The following GPA33 variants were observed in gnomAD, a reference collection of about 807,000 sequenced individuals.
GPA33 encodes the protein cell surface A33 antigen.
Under a neutral mutation model 35.6 loss-of-function variants are expected in GPA33, and 27 were observed. That is an observed-to-expected ratio of 0.76 (90% CI 0.56 to 1.04). GPA33 has a LOEUF of 1.04. Among genes scored for constraint, GPA33 ranks in the 50% least tolerant of loss-of-function variants. The pLI is 0.00. For synonymous variants in GPA33, 176 were observed against 164.0 expected (o/e 1.07, Z -0.56); for missense variants, 428 against 411.9 (o/e 1.04, Z -0.34).
At chr1:167,079,789 A>G (rs1245945213) in intron 1 of GPA33, among the ~76,000 whole-genome samples, 3 of 152,224 alleles carry the variant, frequency 2.0e-5, no homozygotes, top group African/African-American at 7.2e-5. Context: ...ATAATTCGCC[A>G]TTGTAGCTTT....
At chr1:167,073,926 C>T (rs1396478542) in intron 1 of GPA33, among the ~76,000 whole-genome samples, 1 of 151,868 alleles carries the variant, frequency 6.6e-6, no homozygotes, top group Non-Finnish European at 1.5e-5. Context: ...TTTATTACTC[C>T]CTGGCGCATA....
chr1:167,081,526 C>T (rs1666947928), intron 1 of GPA33, among the ~76,000 whole-genome samples: 1 of 152,160 alleles, frequency 6.6e-6, no homozygotes, highest in Non-Finnish European at 1.5e-5. Flanking sequence ...AAATGTTGAA[C>T]CGTTCATTCA....
At chr1:167,066,433 C>T (rs1666593501) in intron 3 of GPA33, among the ~76,000 whole-genome samples, 1 of 152,332 alleles carries the variant, frequency 6.6e-6, no homozygotes, top group Non-Finnish European at 1.5e-5. Flanking sequence ...TGACCAGCCA[C>T]TCCCAAAGAG....
chr1:167,060,757 C>T (rs1012538366), intron 4 of GPA33, among the ~76,000 whole-genome samples: 9 of 152,184 alleles, frequency 5.9e-5, no homozygotes, highest in Admixed American at 2.0e-4. Flanking sequence ...GTACCCGTGG[C>T]TTACAGGGCA....
rs1162176079 is a variant in GPA33 at position 167,053,649 on chromosome 1, C to A, written c.*685G>T. The A allele has an allele frequency of 6.6e-6, 1 of 152,450 alleles. No individual in the cohort carries two copies. The highest frequency in any genetic ancestry group is 2.4e-5 in the African/African-American group (1 of 41,450). 9.4% of individuals were successfully genotyped at this position (152,450 alleles called of 1,614,324 possible). On this transcript the variant is annotated 3_prime_UTR_variant, in exon 7 of 7. Transcript: ENST00000367868. The stretch of plus-strand genomic sequence containing the variant: ...CAATTAGGATAGGGTTAGAGAAATC[C>A]TTGTGATTTGAGATGGGCCTGGAGG...
Position 167,054,312 on chromosome 1 carries a change from G to A in GPA33, c.*22C>T, listed in dbSNP as rs773584975. ...AGAATGAACCCCTAACCCTTCCTCC[G>A]CCGCCCTCTGCTGCTGGCCTGTCAC... On this transcript the variant is annotated 3_prime_UTR_variant, in exon 7 of 7. Transcript: ENST00000367868. The A allele has an allele frequency of 1.6e-5, 26 of 1,613,446 alleles. No homozygotes were observed. The highest frequency in any genetic ancestry group is 1.3e-4 in the South Asian group (12 of 91,058).
intron 1 of GPA33, among the ~76,000 whole-genome samples, chr1:167,088,864 G>T (rs1288493748): frequency 6.6e-6 from 1 of 152,162 alleles, no homozygotes; most frequent in African/African-American, 2.4e-5. Context: ...GCCAGGGAAG[G>T]ATGGGTATTT....
chr1:167,074,280 G>A (rs540994403), intron 1 of GPA33, among the ~76,000 whole-genome samples: 1 of 151,836 alleles, frequency 6.6e-6, no homozygotes, highest in South Asian at 2.1e-4. Context: ...TGGCTCTGAG[G>A]CCAACTCATA....
intron 3 of GPA33, 45 bp downstream of exon 3, chr1:167,068,877 G>A (rs781756976): frequency 2.2e-5 from 33 of 1,485,412 alleles, no homozygotes; most frequent in Non-Finnish European, 3.0e-5. Flanking sequence ...GCTGCCACCT[G>A]CCCACCCTCT....
chr1:167,085,743 C>T (rs1041236), intron 1 of GPA33, among the ~76,000 whole-genome samples: 42,531 of 152,108 alleles, frequency 0.28, 6,655 homozygotes, highest in East Asian at 0.72. Flanking sequence ...GGACAGTAAC[C>T]GGAGAAGCAG....
At chr1:167,054,945 C>G in intron 6 of GPA33, 31 bp downstream of exon 6, 2 of 1,613,430 alleles carry the variant, frequency 1.2e-6, no homozygotes, top group South Asian at 2.2e-5. Context: ...TCCCCAGACC[C>G]TTCCAACAGG....
intron 3 of GPA33, among the ~76,000 whole-genome samples, chr1:167,067,275 A>AATTTATTTATTTATTTATTTATTT (rs57948383): frequency 2.0e-5 from 3 of 146,702 alleles, no homozygotes; most frequent in African/African-American, 7.5e-5. Flanking sequence ...CCTCCACCTC[A>AATTTATTTATTTATTTATTTATTT]ATTTATTTAT....
Position 167,055,793 on chromosome 1 carries a change from T to C in GPA33, c.628A>G (p.Ile210Val). Residue 210 changes from isoleucine to valine, a missense_variant, in exon 5 of 7, where the codon ATC (isoleucine) becomes GTC (valine). Transcript: ENST00000367868. Reference protein sequence around the residue: ...NISTDTSGYYICTSSNEEGTQ... With the variant: ...NISTDTSGYYVCTSSNEEGTQ... The stretch of plus-strand genomic sequence containing the variant: ...CCCTCCTCATTGCTGGAGGTACAGA[T>C]GTAGTAACCCGATGTGTCTGTGGAG... 4 of 1,613,692 alleles carry C rather than the reference T, an allele frequency of 2.5e-6. No homozygotes were observed. Among genetic ancestry groups the C allele is most frequent in the Non-Finnish European group, 3.4e-6 (4 of 1,179,794 alleles).
At chr1:167,080,145 T>A (rs750970737) in intron 1 of GPA33, among the ~76,000 whole-genome samples, 3 of 152,198 alleles carry the variant, frequency 2.0e-5, no homozygotes, top group Non-Finnish European at 4.4e-5. Flanking sequence ...CCCTTTGCCC[T>A]GTGCCCGTCA....
chr1:167,073,931 C>T (rs115398677), intron 1 of GPA33, among the ~76,000 whole-genome samples: 5 of 151,842 alleles, frequency 3.3e-5, no homozygotes, highest in Non-Finnish European at 7.4e-5. Flanking sequence ...TACTCCCTGG[C>T]GCATAGAAAA....
intron 2 of GPA33, among the ~76,000 whole-genome samples, chr1:167,069,518 T>C (rs1666673994): frequency 6.6e-6 from 1 of 152,180 alleles, no homozygotes; most frequent in Admixed American, 6.5e-5. Context: ...CTGAGCACCT[T>C]CCATGTACCA....
At chr1:167,056,145 G>C (rs950888937) in intron 4 of GPA33, among the ~76,000 whole-genome samples, 2 of 152,156 alleles carry the variant, frequency 1.3e-5, no homozygotes, top group African/African-American at 4.8e-5. Context: ...TCTAAAATCA[G>C]AAATAATAGT....
chr1:167,088,054 A>T (rs1189810380), intron 1 of GPA33, among the ~76,000 whole-genome samples: 1 of 151,862 alleles, frequency 6.6e-6, no homozygotes, highest in Non-Finnish European at 1.5e-5. Flanking sequence ...CTCCAACACC[A>T]CTTGAGTCTT....
At chr1:167,060,753 G>A (rs1273601653) in intron 4 of GPA33, among the ~76,000 whole-genome samples, 7 of 152,146 alleles carry the variant, frequency 4.6e-5, no homozygotes, top group South Asian at 2.1e-4. Flanking sequence ...GAAGGTACCC[G>A]TGGCTTACAG....
Sources: gnomAD v4.1 joint callset for allele counts (sites outside exome capture counted in the v4.1 genomes callset) on GRCh38, gnomAD v4.1.1 for gene constraint, MANE v1.5 for transcripts, NCBI Gene and HGNC (gene_info 2026-07-23, HGNC 2026-07-21) for gene names.